Variants in GET1 observed in about 807,000 individuals in gnomAD.
GET1 encodes guided entry of tail-anchored proteins factor 1.
In GET1, 20 loss-of-function variants were observed where a neutral mutation model predicts 22.6. That is an observed-to-expected ratio of 0.89 (90% CI 0.62 to 1.29). The LOEUF is 1.29. GET1 is among the 50% of genes most tolerant of loss of function. GET1 has a pLI of 0.00. For missense variants in GET1, 209 were observed against 219.9 expected, an observed-to-expected ratio of 0.95 and a Z score of 0.31; for synonymous variants, 92 against 83.8, an observed-to-expected ratio of 1.10 and a Z score of -0.53.
chr21:39,396,133 C>T (rs994208551), intron 4 of GET1, among the ~76,000 whole-genome samples: 1 of 152,186 alleles, frequency 6.6e-6, no homozygotes, highest in South Asian at 2.1e-4. Context: ...TGGTGGCTCA[C>T]ACCTGTAATC....
chr21:39,420,131 A>G (rs1298576266), intron 1 of GET1, among the ~76,000 whole-genome samples: 1 of 152,216 alleles, frequency 6.6e-6, no homozygotes, highest in Admixed American at 6.5e-5. Flanking sequence ...TAATGACAGT[A>G]CACATTCGCC....
At chr21:39,413,647 A>C (rs962467408) in intron 1 of GET1, among the ~76,000 whole-genome samples, 2 of 152,192 alleles carry the variant, frequency 1.3e-5, no homozygotes, top group African/African-American at 4.8e-5. Flanking sequence ...CTCTTTTCTT[A>C]TTGTGGTAAC....
chr21:39,412,551 G>A (rs1238428439), intron 1 of GET1, among the ~76,000 whole-genome samples: 1 of 152,036 alleles, frequency 6.6e-6, no homozygotes, highest in Non-Finnish European at 1.5e-5. Context: ...CATATATGAA[G>A]TAAGGAGGAA....
At position 39,391,775 on chromosome 21, in the gene GET1, C is replaced by G. The variant is rs1319931995; in HGVS notation, c.275C>G (p.Ala92Gly). Reference sequence around the variant, plus strand: ...ATCCTGTTTTTCCTTTCAGTGAAAGCTCGGACAGCTCAATTAGCCAAGATA... The same window carrying G: ...ATCCTGTTTTTCCTTTCAGTGAAAGGTCGGACAGCTCAATTAGCCAAGATA... ...MTDKLKTHVKARTAQLAKIKW... is the reference protein window; with the variant it reads ...MTDKLKTHVKGRTAQLAKIKW... Residue 92 changes from alanine (A) to glycine (G), a missense_variant, in exon 3 of 5, where the codon GCT becomes GGT. Physicochemically the swap from Ala to Gly is moderately conservative, Grantham distance 60. Transcript: ENST00000649170. The G allele has an allele frequency of 6.2e-7, 1 of 1,613,970 alleles. No individual in the cohort carries two copies. The highest frequency in any genetic ancestry group is 8.5e-7 in the Non-Finnish European group (1 of 1,179,998).
intron 1 of GET1, among the ~76,000 whole-genome samples, chr21:39,418,608 C>T (rs1312506947): frequency 1.3e-5 from 2 of 152,110 alleles, no homozygotes; most frequent in African/African-American, 4.8e-5. Context: ...TCAAGCAATT[C>T]TCCTGCCTCA....
At chr21:39,425,240 G>A (rs905723364) in intron 1 of GET1, among the ~76,000 whole-genome samples, 1 of 152,200 alleles carries the variant, frequency 6.6e-6, no homozygotes, top group Non-Finnish European at 1.5e-5. Context: ...ACTGGTCCAA[G>A]TGTGGACACA....
chr21:39,394,512 GA>G (rs1311761950), intron 4 of GET1, among the ~76,000 whole-genome samples: 5 of 152,138 alleles, frequency 3.3e-5, no homozygotes, highest in Non-Finnish European at 5.9e-5. Flanking sequence ...AGGGTTAAGT[GA>G]AATACTATAA....
At position 39,420,610 on chromosome 21, in the gene GET1, A is replaced by T. The variant is rs2042140306; in HGVS notation, c.*24-7622A>T. The T allele has an allele frequency of 2.7e-6, 3 of 1,106,738 alleles. No homozygotes were observed. In the African/African-American group the frequency reaches 4.7e-5, roughly 18 times the overall value. 68.6% of individuals were successfully genotyped at this position (1,106,738 alleles called of 1,614,324 possible). On this transcript the variant is annotated intron_variant, in intron 1 of 1. Coordinates refer to the GET1 transcript ENST00000478273. ...GTAGAGGAGCCTTATATATGTATGT[A>T]AAATAAAAAATCACTTAAAGATATA...
chr21:39,384,732 C>T lies in GET1; in HGVS notation c.102+4246C>T, dbSNP rs76418687. Among the ~76,000 whole-genome samples the T allele has an allele frequency of 2.0e-4, 30 of 152,180 alleles. No homozygotes were observed. The East Asian group carries it at 5.0e-3, about 25-fold the overall frequency. ...GATTGTCTCCCTCCCACCCCCTATCCTCCACCCTCCAAAATAGAAAAATTT... is the reference window on the plus strand; with the variant it reads ...GATTGTCTCCCTCCCACCCCCTATCTTCCACCCTCCAAAATAGAAAAATTT... On this transcript the variant is annotated intron_variant, in intron 1 of 4. Transcript: ENST00000649170.
At position 39,428,167 on chromosome 21, in the gene GET1, C is replaced by T; in HGVS notation, c.*24-65C>T. 3 of 1,540,700 alleles carry T rather than the reference C, an allele frequency of 1.9e-6. No individual in the cohort carries two copies. The South Asian group carries it at 3.6e-5, about 19-fold the overall frequency. On this transcript the variant is annotated intron_variant, in intron 1 of 1. Transcript: ENST00000478273. ...TGGTCTTGCTTGGGAAATTTTACTC[C>T]TTACCTTTAGATTGGGAGATTTTAG...
At chr21:39,402,527 GTGT>G (rs1265202075), downstream of GET1, among the ~76,000 whole-genome samples, 3 of 152,222 alleles carry the variant, frequency 2.0e-5, no homozygotes, top group Non-Finnish European at 2.9e-5. Context: ...GGAGGAGTCT[GTGT>G]TGCTCAGACA....
In GET1 at chr21:39,397,039, A is replaced by G; in HGVS notation, c.*100A>G. 1 of 1,281,552 alleles carries G rather than the reference A, an allele frequency of 7.8e-7. No homozygotes were observed. The highest frequency in any genetic ancestry group is 1.1e-6 in the Non-Finnish European group (1 of 908,652). The allele number at this position is 1,281,552 out of a possible 1,614,324, so 79.4% of individuals were successfully genotyped here. A position where few individuals can be genotyped will look rare whatever the true frequency, so the allele number is the denominator to read the frequency against. ...TTTGTTTTTTAAGAAACAAAAGTGC[A>G]TAGTTTAGATTTTTTTTTTGTTGAA... On this transcript the variant is annotated 3_prime_UTR_variant, in exon 5 of 5. Coordinates refer to ENST00000649170, the MANE Select transcript of GET1 (RefSeq NM_004627.6).
chr21:39,423,774 C>A (rs994357601), intron 1 of GET1, among the ~76,000 whole-genome samples: 1 of 152,094 alleles, frequency 6.6e-6, no homozygotes, highest in African/African-American at 2.4e-5. Flanking sequence ...TACATAGCCA[C>A]GAAGTGACAC....
At chr21:39,406,347 G>A in exon 5 of GET1, 1 of 1,614,122 alleles carries the variant, frequency 6.2e-7, no homozygotes, top group Non-Finnish European at 8.5e-7. Flanking sequence ...GTCTGAGGGG[G>A]CCTTTCGTGT....
exon 5 of GET1, chr21:39,406,254 G>T: frequency 6.2e-7 from 1 of 1,614,176 alleles, no homozygotes; most frequent in Non-Finnish European, 8.5e-7. Context: ...ACCTCATGTT[G>T]CCGGCATTGG....
intron 4 of GET1, among the ~76,000 whole-genome samples, chr21:39,404,892 G>A (rs1011812247): frequency 1.3e-5 from 2 of 148,712 alleles, no homozygotes; most frequent in African/African-American, 5.0e-5. Flanking sequence ...GTGCAGTGGT[G>A]TTATTTTGGT....
Position 39,380,369 on chromosome 21 carries a change from G to C in GET1, c.-16G>C. On this transcript the variant is annotated 5_prime_UTR_variant, in exon 1 of 5. Coordinates refer to ENST00000649170, the MANE Select transcript of GET1 (RefSeq NM_004627.6). ...GAGCTGCCGTAGCGGACCCAGCACAGCCAGGAGCGTCCGGGATGAGCTCAG... is the reference window on the plus strand; with the variant it reads ...GAGCTGCCGTAGCGGACCCAGCACACCCAGGAGCGTCCGGGATGAGCTCAG... The C allele has an allele frequency of 6.3e-7, 1 of 1,589,378 alleles. No individual in the cohort carries two copies. The highest frequency in any genetic ancestry group is 1.1e-5 in the South Asian group (1 of 88,318).
chr21:39,385,791 C>T (rs1012971598), intron 1 of GET1, among the ~76,000 whole-genome samples: 33 of 151,180 alleles, frequency 2.2e-4, no homozygotes, highest in Non-Finnish European at 4.0e-4. Flanking sequence ...CCATGCAAGC[C>T]GCACGCACTG....
chr21:39,383,156 G>C (rs370085950), intron 1 of GET1, among the ~76,000 whole-genome samples: 1 of 151,594 alleles, frequency 6.6e-6, no homozygotes, highest in Non-Finnish European at 1.5e-5. Context: ...AGGTTTCACC[G>C]AATTAGCCAG....
Sources: gnomAD v4.1 joint callset for allele counts (sites outside exome capture counted in the v4.1 genomes callset) on GRCh38, gnomAD v4.1.1 for gene constraint, MANE v1.5 for transcripts, NCBI Gene and HGNC (gene_info 2026-07-23, HGNC 2026-07-21) for gene names.